The following SLC17A6 variants were observed in gnomAD, a reference collection of about 807,000 sequenced individuals.
The protein encoded by SLC17A6 is vesicular glutamate transporter 2.
SLC17A6 carries 35 observed loss-of-function variants against 67.1 expected under a neutral mutation model. The observed-to-expected ratio is 0.52, with a 90% CI of 0.40 to 0.69. The LOEUF is 0.69. Among genes scored for constraint, SLC17A6 ranks in the 30% least tolerant of loss-of-function variants. The pLI is 0.00. For missense variants in SLC17A6, 588 were observed against 723.9 expected, an observed-to-expected ratio of 0.81 and a Z score of 2.15; for synonymous variants, 285 against 252.3, an observed-to-expected ratio of 1.13 and a Z score of -1.23.
chr11:22,365,164 C>A (rs75191015), intron 6 of SLC17A6, among the ~76,000 whole-genome samples: 1 of 152,088 alleles, frequency 6.6e-6, no homozygotes, highest in South Asian at 2.1e-4. Context: ...GAATTTGCCC[C>A]CAGAATAATT....
At position 22,338,476 on chromosome 11, in the gene SLC17A6, G is replaced by A. The variant is rs1317131942; in HGVS notation, c.-58G>A. ...GATTAAGACAATATGCGCAATCCTC[G>A]CCTTTCCTAGCAATCACTATTTAAA... On this transcript the variant is annotated 5_prime_UTR_variant, in exon 1 of 12. Transcript: ENST00000263160. 2 of 1,256,714 alleles carry A rather than the reference G, an allele frequency of 1.6e-6. No homozygotes were observed. Among genetic ancestry groups the A allele is most frequent in the South Asian group, 2.4e-5 (2 of 81,954 alleles). 77.8% of individuals were successfully genotyped at this position (1,256,714 alleles called of 1,614,324 possible).
intron 6 of SLC17A6, among the ~76,000 whole-genome samples, chr11:22,364,965 G>A (rs577507497): frequency 6.6e-6 from 1 of 152,150 alleles, no homozygotes; most frequent in African/African-American, 2.4e-5. Flanking sequence ...GTCACGTAAA[G>A]TGTTGTTACC....
At chr11:22,370,733 C>A (rs755224400) in intron 8 of SLC17A6, among the ~76,000 whole-genome samples, 3 of 152,038 alleles carry the variant, frequency 2.0e-5, no homozygotes, top group African/African-American at 7.2e-5. Flanking sequence ...ATGTGAGATG[C>A]AGAAATAAAA....
chr11:22,374,135 T>C (rs2133878340), intron 8 of SLC17A6, among the ~76,000 whole-genome samples: 1 of 152,324 alleles, frequency 6.6e-6, no homozygotes, highest in African/African-American at 2.4e-5. Flanking sequence ...CTGATCTTGG[T>C]GCGTAAAGTT....
At chr11:22,340,542 G>T (rs922409167) in intron 1 of SLC17A6, among the ~76,000 whole-genome samples, 2 of 152,156 alleles carry the variant, frequency 1.3e-5, no homozygotes, top group Admixed American at 6.5e-5. Flanking sequence ...CTTCCCCTTT[G>T]ATGTGGAATA....
intron 3 of SLC17A6, among the ~76,000 whole-genome samples, chr11:22,356,431 T>A (rs1482088386): frequency 6.6e-6 from 1 of 152,128 alleles, no homozygotes; most frequent in Non-Finnish European, 1.5e-5. Context: ...TTATATAAAA[T>A]TAAATAAGAA....
intron 7 of SLC17A6, among the ~76,000 whole-genome samples, chr11:22,368,635 GA>G (rs1856139557): frequency 2.0e-5 from 3 of 151,968 alleles, no homozygotes; most frequent in Admixed American, 1.3e-4. Context: ...GCCCAACAGG[GA>G]AAAGTTCTTT....
At chr11:22,366,170 T>G (rs978094961) in intron 7 of SLC17A6, among the ~76,000 whole-genome samples, 4 of 152,056 alleles carry the variant, frequency 2.6e-5, no homozygotes, top group Admixed American at 6.5e-5. Flanking sequence ...ATGATAAAAT[T>G]TAATGTATAA....
chr11:22,343,153 C>A (rs1398261489), intron 2 of SLC17A6, 94 bp from the exon 3 acceptor site: 4 of 1,034,004 alleles, frequency 3.9e-6, no homozygotes, highest in South Asian at 1.3e-5. Flanking sequence ...AGCGCCCAAG[C>A]CTTGGGGGCT....
intron 1 of SLC17A6, among the ~76,000 whole-genome samples, chr11:22,339,309 T>C (rs1218056592): frequency 6.6e-6 from 1 of 150,866 alleles, no homozygotes; most frequent in Non-Finnish European, 1.5e-5. Flanking sequence ...TCAAAATATA[T>C]CAATAATTGA....
chr11:22,356,404 A>G (rs1380008895), intron 3 of SLC17A6, among the ~76,000 whole-genome samples: 1 of 152,250 alleles, frequency 6.6e-6, no homozygotes, highest in Non-Finnish European at 1.5e-5. Flanking sequence ...TTACTTAGAT[A>G]TTAATTAGGA....
intron 3 of SLC17A6, among the ~76,000 whole-genome samples, chr11:22,354,549 A>G (rs913940046): frequency 2.0e-5 from 3 of 152,182 alleles, no homozygotes; most frequent in Non-Finnish European, 2.9e-5. Flanking sequence ...TTCTGCTTTC[A>G]CTTCCCACTG....
intron 5 of SLC17A6, chr11:22,361,279 A>C (rs1856049074): frequency 4.6e-6 from 1 of 219,072 alleles, no homozygotes; most frequent in Admixed American, 5.6e-5. Context: ...TTTTTTTGAG[A>C]ACCTCAGTAT....
At chr11:22,369,767 A>G (rs1258085995) in intron 7 of SLC17A6, among the ~76,000 whole-genome samples, 2 of 151,970 alleles carry the variant, frequency 1.3e-5, no homozygotes, top group Non-Finnish European at 2.9e-5. Flanking sequence ...TGCTTTTGGA[A>G]TCAATTTTCT....
chr11:22,362,593 T>C (rs1856065525), intron 5 of SLC17A6, 146 bp from the exon 6 acceptor site: 11 of 653,224 alleles, frequency 1.7e-5, no homozygotes, highest in Non-Finnish European at 3.1e-5. Flanking sequence ...ATATATGTGT[T>C]TGGTGATGGA....
At position 22,341,517 on chromosome 11, in the gene SLC17A6, C is replaced by T. The variant is rs1169897774; in HGVS notation, c.87-11C>T. The T allele has an allele frequency of 3.1e-6, 5 of 1,611,788 alleles. No homozygotes were observed. The highest frequency in any genetic ancestry group is 4.2e-6 in the Non-Finnish European group (5 of 1,179,060). ...GCCAAGTCCTTGACTCGCCCCTGCT[C>T]TGCCGCGCAGGGTGCTGGAGAAGAA... On this transcript the variant is annotated splice_polypyrimidine_tract_variant and intron_variant, in intron 1 of 11. Coordinates refer to ENST00000263160, the MANE Select transcript of SLC17A6 (RefSeq NM_020346.3).
In SLC17A6 at chr11:22,370,085, A is replaced by G; in HGVS notation, c.938A>G (p.Tyr313Cys). The change falls in exon 8 of 12, where the codon TAT becomes TGT. Residue 313 changes from tyrosine (Y) to cysteine (C), a missense_variant. Tyr to Cys is a radical substitution (Grantham distance 194). Transcript: ENST00000263160. Reference protein sequence around the residue: ...WRKFFTSMPVYAIIVANFCRS... With the variant: ...WRKFFTSMPVCAIIVANFCRS... ...AAGTTTTTTACATCCATGCCAGTCT[A>G]TGCAATAATTGTTGCAAACTTCTGC... The G allele has an allele frequency of 6.2e-7, 1 of 1,612,188 alleles. No individual in the cohort carries two copies. Among genetic ancestry groups the G allele is most frequent in the Middle Eastern group, 1.7e-4 (1 of 6,050 alleles).
chr11:22,362,760 T>C lies in SLC17A6; in HGVS notation c.683T>C (p.Ile228Thr). The change falls in exon 6 of 12, where the codon ATT (isoleucine) becomes ACT (threonine). Residue 228 changes from isoleucine to threonine, a missense_variant. By Grantham distance (89) the Ile-to-Thr change is moderately conservative. Transcript: ENST00000263160. The stretch of plus-strand genomic sequence containing the variant: ...TTAGGTTCCTATGCCGGAGCTGTGA[T>C]TGCAATGCCTTTAGCTGGCATTCTT... ...SFCGSYAGAV[I>T]AMPLAGILVQ... 6.2e-7 allele frequency: 1 copy of C among 1,613,846 alleles called. No homozygotes were observed. The highest frequency in any genetic ancestry group is 2.2e-5 in the East Asian group (1 of 44,884).
chr11:22,344,986 A>G (rs117342860), intron 3 of SLC17A6, among the ~76,000 whole-genome samples: 2,286 of 152,298 alleles, frequency 0.015, 30 homozygotes, highest in Non-Finnish European at 0.023. Context: ...GAGAAAAAAA[A>G]ATCCAACAAT....
Sources: allele counts gnomAD v4.1 joint callset (sites outside exome capture counted in the v4.1 genomes callset), GRCh38; gene constraint gnomAD v4.1.1; transcripts MANE v1.5; gene names NCBI Gene and HGNC (gene_info 2026-07-23, HGNC 2026-07-21).